Variants in UNC13B observed in about 807,000 individuals in gnomAD.
UNC13B encodes the protein unc-13 homolog B.
A neutral mutation model predicts 211.0 loss-of-function variants in UNC13B; 144 were observed. The observed-to-expected ratio is 0.68, with a 90% CI of 0.60 to 0.78. The LOEUF (loss-of-function observed/expected upper bound fraction) is 0.78. Among genes scored for constraint, UNC13B ranks in the 30% least tolerant of loss-of-function variants. UNC13B has a pLI of 0.00. For synonymous variants in UNC13B, 709 were observed against 725.8 expected (o/e 0.98, Z 0.37); for missense variants, 1,777 against 2,002.0 (o/e 0.89, Z 2.14).
At position 35,303,183 on chromosome 9, in the gene UNC13B, C is replaced by T. The variant is rs764763083; in HGVS notation, c.3779C>T (p.Pro1260Leu). The T allele has an allele frequency of 1.4e-4, 57 of 398,632 alleles. No homozygotes were observed. In the Middle Eastern group the frequency reaches 1.9e-3, roughly 13 times the overall value. The allele number at this position is 398,632 out of a possible 1,614,324, so 24.7% of individuals were successfully genotyped here. The change falls in exon 9 of 40, where the codon CCA becomes CTA. Residue 1260 changes from proline (P) to leucine (L), a missense_variant. By Grantham distance (98) the Pro-to-Leu change is moderately conservative (BLOSUM62 -3). Coordinates refer to ENST00000635942, the MANE Select transcript of UNC13B (RefSeq NM_001371189.2). ...TCCTTATTACCTAAAGAAAACATAC[C>T]ATTATCTGATGCTGGGGATGATAAT... ...EASLLPKENI[P>L]LSDAGDDNHY...
intron 4 of UNC13B, 66 bp downstream of exon 4, chr9:35,236,652 C>T (rs1297806780): frequency 7.2e-7 from 1 of 1,381,694 alleles, no homozygotes; most frequent in Non-Finnish European, 1.0e-6. Context: ...ATGCTAGCTC[C>T]ACTTTAGCTA....
intron 11 of UNC13B, among the ~76,000 whole-genome samples, chr9:35,339,980 C>A (rs1831888672): frequency 6.6e-6 from 1 of 152,204 alleles, no homozygotes; most frequent in Non-Finnish European, 1.5e-5. Context: ...ATAGTGACAG[C>A]CACTGTTCTG....
intron 3 of UNC13B, among the ~76,000 whole-genome samples, chr9:35,235,445 G>A (rs374464624): frequency 1.4e-3 from 195 of 135,494 alleles, no homozygotes; most frequent in African/African-American, 5.0e-3. Flanking sequence ...AATCCCCCCC[G>A]CCCCGCCCCG....
chr9:35,253,449 A>G (rs936939136), intron 6 of UNC13B, among the ~76,000 whole-genome samples: 1 of 147,546 alleles, frequency 6.8e-6, no homozygotes, highest in South Asian at 2.1e-4. Flanking sequence ...TATTTTTATC[A>G]TGAAAAAAAT....
At chr9:35,257,332 TA>T (rs1232891626) in intron 6 of UNC13B, among the ~76,000 whole-genome samples, 9 of 67,818 alleles carry the variant, frequency 1.3e-4, no homozygotes, top group South Asian at 1.2e-3. Flanking sequence ...TAAAAATATT[TA>T]TATAAATATT....
intron 32 of UNC13B, 56 bp from the exon 33 acceptor site, chr9:35,398,826 T>C: frequency 1.3e-6 from 2 of 1,593,358 alleles, no homozygotes; most frequent in Admixed American, 3.4e-5. Flanking sequence ...CTGGTGCCGC[T>C]CCAGGGACAG....
At chr9:35,310,174 AT>A (rs1830115386) in intron 9 of UNC13B, among the ~76,000 whole-genome samples, 1 of 152,348 alleles carries the variant, frequency 6.6e-6, no homozygotes, top group African/African-American at 2.4e-5. Context: ...CATTTTAATA[AT>A]TTTTAATCCT....
chr9:35,201,262 A>G (rs1823268200), intron 1 of UNC13B, among the ~76,000 whole-genome samples: 1 of 152,166 alleles, frequency 6.6e-6, no homozygotes, highest in Admixed American at 6.5e-5. Flanking sequence ...GGATTTTTGC[A>G]TTGATGTTCA....
chr9:35,384,825 G>A lies in UNC13B; in HGVS notation c.10875+511G>A, dbSNP rs567706428. On this transcript the variant is annotated intron_variant, in intron 22 of 39. Coordinates refer to ENST00000635942, the MANE Select transcript of UNC13B (RefSeq NM_001371189.2). ...ATAGTAGGAGGATGGTTACTGGGAC[G>A]GGACAGGATAAGGAAATGGGCAGTT... 5.4e-5 allele frequency: 44 copies of A among 820,742 alleles called. No homozygotes were observed. The South Asian group carries it at 1.9e-3, about 36-fold the overall frequency. 50.8% of individuals were successfully genotyped at this position (820,742 alleles called of 1,614,324 possible).
Position 35,377,551 on chromosome 9 carries a change from C to G in UNC13B, c.9919C>G (p.Arg3307Gly). The stretch of plus-strand genomic sequence containing the variant: ...GGCCATGAAGGACCGCATGAAGATC[C>G]GAGAGCGAAATAAGCCAGAGATCTT... ...IMAMKDRMKIRERNKPEIFEV... is the reference protein window; with the variant it reads ...IMAMKDRMKIGERNKPEIFEV... The change falls in exon 16 of 40, where the codon CGA (arginine) becomes GGA (glycine). Residue 3307 changes from arginine to glycine, a missense_variant. Transcript: ENST00000635942. The G allele has an allele frequency of 6.2e-7, 1 of 1,614,194 alleles. No individual in the cohort carries two copies. Among genetic ancestry groups the G allele is most frequent in the Non-Finnish European group, 8.5e-7 (1 of 1,180,040 alleles).
intron 7 of UNC13B, among the ~76,000 whole-genome samples, chr9:35,288,521 C>G (rs540337299): frequency 1.3e-5 from 2 of 152,210 alleles, no homozygotes; most frequent in Non-Finnish European, 2.9e-5. Flanking sequence ...CTAGCAAAAC[C>G]TAACTATCCT....
chr9:35,399,063 G>A (rs768446765), intron 33 of UNC13B, 29 bp downstream of exon 33: 6 of 1,613,538 alleles, frequency 3.7e-6, no homozygotes, highest in Non-Finnish European at 5.1e-6. Flanking sequence ...ACTATCCTGT[G>A]GGGATGAGCA....
intron 8 of UNC13B, among the ~76,000 whole-genome samples, chr9:35,298,714 T>C (rs1242850166): frequency 6.6e-6 from 1 of 152,234 alleles, no homozygotes; most frequent in African/African-American, 2.4e-5. Flanking sequence ...AAGAACACAC[T>C]GAACTCATAA....
Position 35,403,607 on chromosome 9 carries a change from A to AC in UNC13B, c.12737+9dup, listed in dbSNP as rs1387256192. The stretch of plus-strand genomic sequence containing the variant: ...CAATGAGACATTCCACTTGTAAGTT[A>AC]CGGGGGGGACATACAGGACTCTGGG... On this transcript the variant is annotated intron_variant, in intron 39 of 39. Transcript: ENST00000635942. 5 of 1,397,598 alleles carry AC rather than the reference A, an allele frequency of 3.6e-6. No individual in the cohort carries two copies. The highest frequency in any genetic ancestry group is 2.1e-5 in the Admixed American group (1 of 48,386). The allele number at this position is 1,397,598 out of a possible 1,614,324, so 86.6% of individuals were successfully genotyped here.
In UNC13B at chr9:35,304,260, G is replaced by A; in HGVS notation, c.4856G>A (p.Ser1619Asn). 2.5e-6 allele frequency: 1 copy of A among 398,798 alleles called. No homozygotes were observed. The highest frequency in any genetic ancestry group is 1.3e-4 in the South Asian group (1 of 7,856). 24.7% of individuals were successfully genotyped at this position (398,798 alleles called of 1,614,324 possible). ...GATTTATCTTTAGCTTTGCCAAGAA[G>A]TGAGGAACCATTGTATCTAAATTTA... Reference protein sequence around the residue: ...PLDLSLALPRSEEPLYLNLET... With the variant: ...PLDLSLALPRNEEPLYLNLET... The change falls in exon 9 of 40, where the codon AGT (serine) becomes AAT (asparagine). Residue 1619 changes from serine (S) to asparagine (N), a missense_variant. Physicochemically the swap from Ser to Asn is conservative, Grantham distance 46. Transcript: ENST00000635942.
At chr9:35,203,413 T>G (rs1463545019) in intron 1 of UNC13B, among the ~76,000 whole-genome samples, 1 of 152,226 alleles carries the variant, frequency 6.6e-6, no homozygotes, top group African/African-American at 2.4e-5. Flanking sequence ...CCTTCACTTA[T>G]GAAGCTTAGT....
intron 11 of UNC13B, among the ~76,000 whole-genome samples, chr9:35,329,165 C>G (rs1831225630): frequency 6.6e-6 from 1 of 152,044 alleles, no homozygotes; most frequent in African/African-American, 2.4e-5. Context: ...TGAGTTTGTT[C>G]CCATTCCCAC....
chr9:35,402,737 T>A (rs1836406113), intron 37 of UNC13B, among the ~76,000 whole-genome samples: 1 of 152,086 alleles, frequency 6.6e-6, no homozygotes, highest in Admixed American at 6.5e-5. Flanking sequence ...AGCAGGGACC[T>A]CTAGGAATCC....
chr9:35,244,854 TG>T lies in UNC13B; in HGVS notation c.468+1491del, dbSNP rs373912048. 3.3e-4 allele frequency among the ~76,000 whole-genome samples: 50 copies of T among 152,302 alleles called. 1 individual carries two copies. The highest frequency in any genetic ancestry group is 1.1e-3 in the African/African-American group (46 of 41,572). On this transcript the variant is annotated intron_variant, in intron 6 of 39. Transcript: ENST00000635942. ...ATAGTTCAACCCACAGTGAGTTAAA[TG>T]AAAGATGAAGAAATGGCATTTGGGA...
Sources: allele counts gnomAD v4.1 joint callset (sites outside exome capture counted in the v4.1 genomes callset), GRCh38; gene constraint gnomAD v4.1.1; transcripts MANE v1.5; gene names NCBI Gene and HGNC (gene_info 2026-07-23, HGNC 2026-07-21).